Variants in ZFYVE9 observed in about 807,000 individuals in gnomAD.
ZFYVE9 encodes the protein zinc finger FYVE-type containing 9.
A neutral mutation model predicts 126.7 loss-of-function variants in ZFYVE9; 43 were observed. The ratio of observed to expected loss-of-function variants is 0.34; its 90% confidence interval spans 0.27 to 0.44. The LOEUF is 0.44. Ranked by LOEUF, ZFYVE9 falls within the 20% of genes least tolerant of loss-of-function variation. ZFYVE9 has a pLI of 1.00. For synonymous variants in ZFYVE9, 521 were observed against 597.4 expected, an observed-to-expected ratio of 0.87 and a Z score of 1.87; for missense variants, 1,476 against 1,697.0, an observed-to-expected ratio of 0.87 and a Z score of 2.29.
At chr1:52,306,156 T>G (rs976222118) in intron 13 of ZFYVE9, among the ~76,000 whole-genome samples, 2 of 152,168 alleles carry the variant, frequency 1.3e-5, no homozygotes, top group African/African-American at 4.8e-5. Context: ...GGGGTGCCTT[T>G]TCTCAGCCTG....
At chr1:52,190,645 C>G (rs1190027654) in intron 1 of ZFYVE9, among the ~76,000 whole-genome samples, 1 of 152,130 alleles carries the variant, frequency 6.6e-6, no homozygotes, top group Non-Finnish European at 1.5e-5. Flanking sequence ...TGAGAAGGCT[C>G]TTGACTTCAT....
chr1:52,334,714 A>G lies in ZFYVE9; in HGVS notation c.3616A>G (p.Ser1206Gly). 6.2e-7 allele frequency: 1 copy of G among 1,613,870 alleles called. No individual in the cohort carries two copies. The highest frequency in any genetic ancestry group is 8.5e-7 in the Non-Finnish European group (1 of 1,179,874). The change falls in exon 15 of 19, where the codon AGT becomes GGT. Residue 1206 changes from serine to glycine, a missense_variant. Around this residue, in one of 2 missense-constraint regions of ZFYVE9, gnomAD observed 669 missense variants for 902.4 expected, o/e 0.74. Transcript: ENST00000287727. ...KVTGASFFVF[S>G]GALKSSSGYL... ...GACTGGTGCCAGTTTCTTTGTGTTC[A>G]GTGGCGCTCTGAAATCCTCTTCTGG...
At chr1:52,308,636 T>G (rs1166880726) in intron 13 of ZFYVE9, among the ~76,000 whole-genome samples, 3 of 152,234 alleles carry the variant, frequency 2.0e-5, no homozygotes, top group African/African-American at 7.2e-5. Context: ...TGATTCATAC[T>G]TCCCCTACTC....
intron 10 of ZFYVE9, among the ~76,000 whole-genome samples, chr1:52,291,003 C>T (rs542349746): frequency 1.3e-5 from 2 of 152,192 alleles, no homozygotes; most frequent in Admixed American, 6.5e-5. Flanking sequence ...ACCCATATCT[C>T]TGGGACTCCA....
intron 4 of ZFYVE9, among the ~76,000 whole-genome samples, chr1:52,259,558 C>A (rs539827430): frequency 2.7e-4 from 41 of 149,228 alleles, no homozygotes; most frequent in African/African-American, 9.9e-4. Flanking sequence ...GAGGCCCAGG[C>A]GGGCAGATCA....
chr1:52,340,591 A>G (rs1163212255), intron 17 of ZFYVE9, among the ~76,000 whole-genome samples: 1 of 152,198 alleles, frequency 6.6e-6, no homozygotes, highest in East Asian at 1.9e-4. Flanking sequence ...TCTTTAAAAA[A>G]TACTTATTTC....
intron 1 of ZFYVE9, among the ~76,000 whole-genome samples, chr1:52,168,224 T>TC (rs202194590): frequency 0.053 from 7,655 of 144,902 alleles, 219 homozygotes; most frequent in South Asian, 0.079. Context: ...CTTTTTTTTT[T>TC]TTTTTTTTTT....
chr1:52,303,498 TG>T (rs1282429885), intron 12 of ZFYVE9, among the ~76,000 whole-genome samples: 1 of 152,210 alleles, frequency 6.6e-6, no homozygotes. Context: ...TGTACTCTCT[TG>T]GAGCTTCAGA....
At chr1:52,201,486 C>A (rs1644922762) in intron 1 of ZFYVE9, among the ~76,000 whole-genome samples, 2 of 150,892 alleles carry the variant, frequency 1.3e-5, no homozygotes, top group African/African-American at 4.9e-5. Flanking sequence ...ATGCCATTCT[C>A]CTGCCTCAGC....
chr1:52,231,454 G>T (rs1645220196), intron 2 of ZFYVE9, among the ~76,000 whole-genome samples: 1 of 151,812 alleles, frequency 6.6e-6, no homozygotes, highest in Non-Finnish European at 1.5e-5. Flanking sequence ...GGAGGGGGAG[G>T]TTGCAGTGAG....
intron 16 of ZFYVE9, among the ~76,000 whole-genome samples, chr1:52,339,754 T>C (rs778074927): frequency 1.6e-4 from 24 of 152,176 alleles, no homozygotes; most frequent in Admixed American, 5.2e-4. Flanking sequence ...CAAGTATCAT[T>C]ACAGAGTCAG....
In ZFYVE9 at chr1:52,332,762, T is replaced by C. The variant is rs1434535671; in HGVS notation, c.3439-6T>C. The stretch of plus-strand genomic sequence containing the variant: ...TGTCAGAATAAGGTTATCTCTTTGA[T>C]TGCAGATGATGAAAGCCATGAACAA... On this transcript the variant is annotated splice_polypyrimidine_tract_variant and splice_region_variant and intron_variant, in intron 13 of 18. Coordinates refer to ENST00000287727, the MANE Select transcript of ZFYVE9 (RefSeq NM_004799.4). The C allele has an allele frequency of 1.2e-6, 2 of 1,612,864 alleles. No homozygotes were observed. The highest frequency in any genetic ancestry group is 1.7e-6 in the Non-Finnish European group (2 of 1,179,434).
At chr1:52,270,421 G>A (rs764474445) in intron 7 of ZFYVE9, among the ~76,000 whole-genome samples, 57 of 152,024 alleles carry the variant, frequency 3.7e-4, no homozygotes, top group Non-Finnish European at 5.4e-4. Flanking sequence ...CCGCCACCAT[G>A]CCCAGCTAAT....
intron 4 of ZFYVE9, among the ~76,000 whole-genome samples, chr1:52,250,216 T>C (rs913610330): frequency 1.3e-5 from 2 of 152,238 alleles, no homozygotes; most frequent in Non-Finnish European, 2.9e-5. Flanking sequence ...GTTGACATCT[T>C]AATAATAAGC....
chr1:52,321,029 A>G (rs1353270499), intron 13 of ZFYVE9, among the ~76,000 whole-genome samples: 1 of 152,228 alleles, frequency 6.6e-6, no homozygotes. Flanking sequence ...CCAAAAAGAT[A>G]GGAATAGAGA....
intron 2 of ZFYVE9, among the ~76,000 whole-genome samples, chr1:52,230,727 G>A (rs561248526): frequency 4.9e-4 from 74 of 152,182 alleles, no homozygotes; most frequent in African/African-American, 1.7e-3. Flanking sequence ...GCCTTTGAAA[G>A]TGATATTTGA....
chr1:52,144,572 G>A (rs1023285152), intron 1 of ZFYVE9, among the ~76,000 whole-genome samples: 2 of 151,564 alleles, frequency 1.3e-5, no homozygotes, highest in African/African-American at 4.8e-5. Context: ...TGAGCCGAAG[G>A]AAGGTGTCTA....
At chr1:52,186,258 CAAAA>C (rs138946078) in intron 1 of ZFYVE9, among the ~76,000 whole-genome samples, 10,445 of 149,050 alleles carry the variant, frequency 0.07, 484 homozygotes, top group South Asian at 0.11. Context: ...AAAAACAAAA[CAAAA>C]CCCAAAAAAC....
At chr1:52,250,214 C>G (rs771123896) in intron 4 of ZFYVE9, among the ~76,000 whole-genome samples, 4 of 152,176 alleles carry the variant, frequency 2.6e-5, no homozygotes, top group Non-Finnish European at 4.4e-5. Flanking sequence ...TTGTTGACAT[C>G]TTAATAATAA....
Sources: gnomAD v4.1 joint callset for allele counts (sites outside exome capture counted in the v4.1 genomes callset) on GRCh38, gnomAD v4.1.1 for gene constraint, gnomAD v4.1.1 regional missense constraint, MANE v1.5 for transcripts, NCBI Gene and HGNC (gene_info 2026-07-23, HGNC 2026-07-21) for gene names.